ZNF215: variants seen among roughly 807,000 people sequenced by gnomAD.
ZNF215 encodes zinc finger protein 215.
In ZNF215, 24 loss-of-function variants were observed where a neutral mutation model predicts 27.2. The ratio of observed to expected loss-of-function variants is 0.88; its 90% CI spans 0.64 to 1.24. The LOEUF (loss-of-function observed/expected upper bound fraction) is 1.24, where lower values mean the gene tolerates loss of function less well. ZNF215 is among the 50% of genes most tolerant of loss of function. The probability of loss-of-function intolerance (pLI) is 0.00; values close to 1 mark genes in which losing one functional copy is unlikely to be tolerated. For missense variants in ZNF215, 675 were observed against 605.7 expected, an observed-to-expected ratio of 1.11 and a Z score of -1.20; for synonymous variants, 210 against 204.0, an observed-to-expected ratio of 1.03 and a Z score of -0.25.
At chr11:6,932,017 A>T (rs1216683862) in intron 2 of ZNF215, 77 bp from the exon 3 acceptor site, 1 of 350,558 alleles carries the variant, frequency 2.9e-6, no homozygotes, top group East Asian at 4.4e-5. Context: ...TTCTTAGGCA[A>T]TTTTAATAAT....
intron 5 of ZNF215, among the ~76,000 whole-genome samples, chr11:6,976,196 T>C (rs981107520): frequency 1.3e-5 from 2 of 151,946 alleles, no homozygotes; most frequent in Admixed American, 6.6e-5. Flanking sequence ...GATTATTAGA[T>C]TTTTTCCTAT....
intron 6 of ZNF215, among the ~76,000 whole-genome samples, chr11:6,949,760 G>T (rs1220613175): frequency 1.3e-5 from 2 of 152,136 alleles, no homozygotes; most frequent in Admixed American, 6.5e-5. Context: ...GTCAATTTTG[G>T]CTTTTGTTTC....
At chr11:6,964,895 A>G (rs900275957) in intron 5 of ZNF215, among the ~76,000 whole-genome samples, 2 of 152,180 alleles carry the variant, frequency 1.3e-5, no homozygotes, top group East Asian at 1.9e-4. Flanking sequence ...AACATTCTCA[A>G]ATGAGTGCCC....
intron 5 of ZNF215, among the ~76,000 whole-genome samples, chr11:6,982,001 G>C (rs1300429163): frequency 6.6e-6 from 1 of 152,044 alleles, no homozygotes; most frequent in Non-Finnish European, 1.5e-5. Context: ...ATGCTGTTTT[G>C]GTTATTGTAG....
At chr11:6,992,252 C>T (rs1254587306), downstream of ZNF215, among the ~76,000 whole-genome samples, 1 of 152,188 alleles carries the variant, frequency 6.6e-6, no homozygotes, top group Non-Finnish European at 1.5e-5. Context: ...CAGCTCAGCT[C>T]AGCCTAGCCC....
At chr11:6,972,905 T>G in intron 5 of ZNF215, among the ~76,000 whole-genome samples, 1 of 4,732 alleles carries the variant, frequency 2.1e-4, no homozygotes, top group African/African-American at 2.3e-4. Context: ...TGAAAGGATT[T>G]TTTTAATTTT....
At chr11:6,983,491 T>G (rs1273744999) in intron 5 of ZNF215, among the ~76,000 whole-genome samples, 1 of 152,152 alleles carries the variant, frequency 6.6e-6, no homozygotes, top group African/African-American at 2.4e-5. Context: ...TTGATGAACA[T>G]TGATGCAAAA....
chr11:6,956,647 T>C lies in ZNF215; in HGVS notation c.*116T>C, dbSNP rs1850371856. The C allele has an allele frequency of 2.8e-6, 4 of 1,410,802 alleles. No individual in the cohort carries two copies. In the East Asian group the frequency reaches 7.6e-5, roughly 27 times the overall value. The allele number at this position is 1,410,802 out of a possible 1,614,324, so 87.4% of individuals were successfully genotyped here. On this transcript the variant is annotated 3_prime_UTR_variant, in exon 7 of 7. Coordinates refer to ENST00000278319, the MANE Select transcript of ZNF215 (RefSeq NM_013250.4). ...TGTAAGAAAACATTTGTCAGATTTTTCTTTAAATGATATCACAGAATTAAT... is the reference window on the plus strand; with the variant it reads ...TGTAAGAAAACATTTGTCAGATTTTCCTTTAAATGATATCACAGAATTAAT...
rs114226536 is a variant in ZNF215 at position 6,957,322 on chromosome 11, C to G, written c.*791C>G. 162 of 315,952 alleles carry G rather than the reference C, an allele frequency of 5.1e-4. No individual in the cohort carries two copies. The highest frequency in any genetic ancestry group is 3.0e-3 in the African/African-American group (135 of 44,498). The allele number at this position is 315,952 out of a possible 1,614,324, so 19.6% of individuals were successfully genotyped here. ...CTCCGGGTGCTCCAGTTTCAAACCCCAAAGATGTATACATTAGGTTAATTG... is the reference window on the plus strand; with the variant it reads ...CTCCGGGTGCTCCAGTTTCAAACCCGAAAGATGTATACATTAGGTTAATTG... On this transcript the variant is annotated 3_prime_UTR_variant, in exon 7 of 7. Transcript: ENST00000278319.
At chr11:6,931,847 C>T (rs1425295563) in intron 2 of ZNF215, among the ~76,000 whole-genome samples, 13 of 152,024 alleles carry the variant, frequency 8.6e-5, no homozygotes, top group East Asian at 1.9e-4. Context: ...AATTCAATTA[C>T]GAAGTTTTTT....
rs113598163 is a variant in ZNF215, at chr11:6,970,316, G to C, written c.806-13813G>C. ...AAATGCATGAGAACAAGTTATAGAT[G>C]ACAAGCAACTTAAGAGGCATATTAA... On this transcript the variant is annotated intron_variant, in intron 5 of 5. Coordinates refer to the ZNF215 transcript ENST00000529903. Among the ~76,000 whole-genome samples the C allele has an allele frequency of 3.3e-3, 502 of 152,302 alleles. 4 individuals are homozygous for C. Among genetic ancestry groups the C allele is most frequent in the African/African-American group, 0.012 (480 of 41,570 alleles).
chr11:6,928,155 A>G (rs1564939744), intron 2 of ZNF215, among the ~76,000 whole-genome samples: 1 of 152,098 alleles, frequency 6.6e-6, no homozygotes, highest in African/African-American at 2.4e-5. Context: ...CTTGTTTACC[A>G]TTTATCAAGG....
chr11:6,935,898 A>C (rs186275794), intron 3 of ZNF215, among the ~76,000 whole-genome samples: 146 of 152,288 alleles, frequency 9.6e-4, no homozygotes, highest in Non-Finnish European at 1.5e-3. Flanking sequence ...AACAGAAGGA[A>C]ATCTGGATAA....
intron 5 of ZNF215, chr11:6,984,043 T>TTTGGGGGTATGAAGTGG: frequency 2.8e-6 from 1 of 357,614 alleles, no homozygotes. Context: ...TAACATACTC[T>TTTGGGGGTATGAAGTGG]CAAACGCTAT....
chr11:6,939,087 G>T (rs934502227), intron 3 of ZNF215, among the ~76,000 whole-genome samples: 3 of 152,090 alleles, frequency 2.0e-5, no homozygotes, highest in African/African-American at 7.2e-5. Context: ...TTTAGCTATT[G>T]ATTTATCCAA....
chr11:6,964,761 A>G (rs1354137524), intron 5 of ZNF215, among the ~76,000 whole-genome samples: 1 of 149,076 alleles, frequency 6.7e-6, no homozygotes, highest in African/African-American at 2.5e-5. Flanking sequence ...GACTTAGCTT[A>G]TTTCTACAGA....
chr11:6,986,402 A>G (rs1290766432), downstream of ZNF215, among the ~76,000 whole-genome samples: 1 of 152,120 alleles, frequency 6.6e-6, no homozygotes, highest in Non-Finnish European at 1.5e-5. Context: ...AGACTGAAAT[A>G]TAAAGCCTCA....
At chr11:6,988,956 A>G (rs994511174), downstream of ZNF215, 1 of 152,072 alleles carries the variant, frequency 6.6e-6, no homozygotes, top group Non-Finnish European at 1.5e-5. Flanking sequence ...CAGGAATTTG[A>G]GACCAGCCTG....
intron 6 of ZNF215, among the ~76,000 whole-genome samples, chr11:6,994,246 A>G (rs1390718433): frequency 1.3e-5 from 2 of 151,618 alleles, no homozygotes; most frequent in African/African-American, 4.8e-5. Flanking sequence ...TTAAAGGCAA[A>G]TTATGTATTG....
Sources: gnomAD v4.1 joint callset for allele counts (sites outside exome capture counted in the v4.1 genomes callset) on GRCh38, gnomAD v4.1.1 for gene constraint, MANE v1.5 for transcripts, NCBI Gene and HGNC (gene_info 2026-07-23, HGNC 2026-07-21) for gene names.